The following FHIT variants were observed in gnomAD, a reference collection of about 807,000 sequenced individuals.
FHIT encodes fragile histidine triad diadenosine triphosphatase.
Under a neutral mutation model 17.9 loss-of-function variants are expected in FHIT, and 19 were observed. The observed-to-expected ratio is 1.06, with a 90% CI of 0.74 to 1.56. The LOEUF (loss-of-function observed/expected upper bound fraction) is 1.56, where lower values mean the gene tolerates loss of function less well. Among genes scored for constraint, FHIT ranks in the 40% most tolerant of loss-of-function variants. The probability of loss-of-function intolerance (pLI) is 0.00; values close to 1 mark genes in which losing one functional copy is unlikely to be tolerated. For synonymous variants in FHIT, 81 were observed against 69.7 expected (o/e 1.16, Z -0.81); for missense variants, 248 against 189.2 (o/e 1.31, Z -1.82).
At chr3:61,207,605 A>G (rs1318945790) in intron 1 of FHIT, among the ~76,000 whole-genome samples, 1 of 152,142 alleles carries the variant, frequency 6.6e-6, no homozygotes, top group African/African-American at 2.4e-5. Flanking sequence ...GTTTATTTGC[A>G]TAGAGGTGTT....
intron 2 of FHIT, among the ~76,000 whole-genome samples, chr3:61,167,723 A>G (rs2037883757): frequency 6.6e-6 from 1 of 152,024 alleles, no homozygotes; most frequent in Non-Finnish European, 1.5e-5. Flanking sequence ...GGAAAAGAAA[A>G]GAAAAAAGAA....
Position 60,171,791 on chromosome 3 carries a change from G to A in FHIT, c.104-157639C>T, listed in dbSNP as rs556380986. 5.3e-5 allele frequency among the ~76,000 whole-genome samples: 8 copies of A among 152,022 alleles called. No homozygotes were observed. In the East Asian group the frequency reaches 1.4e-3, roughly 26 times the overall value. The stretch of plus-strand genomic sequence containing the variant: ...CATCATTACAGTTCACTGTAGCCTC[G>A]AACTTCTGGGCTCAAGCAATCCTCT... On this transcript the variant is annotated intron_variant, in intron 5 of 9. Transcript: ENST00000492590.
intron 3 of FHIT, among the ~76,000 whole-genome samples, chr3:60,860,132 G>GAC (rs1703588805): frequency 6.9e-6 from 1 of 145,246 alleles, no homozygotes; most frequent in Non-Finnish European, 1.5e-5. Flanking sequence ...TGATATATCT[G>GAC]ATATATATAC....
chr3:59,899,112 C>T (rs527925588), intron 8 of FHIT, among the ~76,000 whole-genome samples: 13 of 152,296 alleles, frequency 8.5e-5, no homozygotes, highest in Non-Finnish European at 1.8e-4. Flanking sequence ...AGACCCAGAG[C>T]ACAAGACAAA....
intron 4 of FHIT, among the ~76,000 whole-genome samples, chr3:60,790,245 C>G (rs1700728237): frequency 6.6e-6 from 1 of 151,998 alleles, no homozygotes. Flanking sequence ...CGGCAGGTCC[C>G]AAAAGTAAGG....
At chr3:60,914,292 A>T (rs1706891581) in intron 3 of FHIT, among the ~76,000 whole-genome samples, 1 of 152,190 alleles carries the variant, frequency 6.6e-6, no homozygotes, top group Non-Finnish European at 1.5e-5. Context: ...ATATCTTGAA[A>T]TTTTAATAAC....
intron 4 of FHIT, among the ~76,000 whole-genome samples, chr3:60,797,654 AG>A (rs1408675095): frequency 2.7e-5 from 4 of 150,662 alleles, no homozygotes; most frequent in African/African-American, 9.8e-5. Context: ...CTTTAAATTT[AG>A]GTTGCAACAT....
At chr3:61,113,698 A>C (rs2036222610) in intron 2 of FHIT, among the ~76,000 whole-genome samples, 1 of 152,194 alleles carries the variant, frequency 6.6e-6, no homozygotes, top group Non-Finnish European at 1.5e-5. Context: ...GAGTCACTAG[A>C]GCCAGGACCA....
At chr3:60,864,022 C>T (rs1553753289) in intron 3 of FHIT, among the ~76,000 whole-genome samples, 2 of 152,110 alleles carry the variant, frequency 1.3e-5, no homozygotes, top group African/African-American at 4.8e-5. Context: ...ACCTCATAAT[C>T]ATGGCAGAAG....
intron 5 of FHIT, among the ~76,000 whole-genome samples, chr3:60,362,935 C>A (rs1316139334): frequency 6.6e-6 from 1 of 152,150 alleles, no homozygotes; most frequent in Non-Finnish European, 1.5e-5. Flanking sequence ...CAGCAGAGAA[C>A]TTCAGAAGGT....
At chr3:60,168,403 A>G (rs1290162675) in intron 5 of FHIT, among the ~76,000 whole-genome samples, 2 of 152,156 alleles carry the variant, frequency 1.3e-5, no homozygotes, top group Non-Finnish European at 2.9e-5. Flanking sequence ...ATCTCTGCCA[A>G]TACCAACCAT....
At chr3:60,317,785 CTTCTT>C (rs1422782977) in intron 5 of FHIT, among the ~76,000 whole-genome samples, 2 of 113,256 alleles carry the variant, frequency 1.8e-5, no homozygotes, top group Non-Finnish European at 3.3e-5. Context: ...GCAAGTTTTT[CTTCTT>C]TTTTTTTTTT....
chr3:60,559,516 A>G (rs2036857090), intron 4 of FHIT, among the ~76,000 whole-genome samples: 1 of 152,028 alleles, frequency 6.6e-6, no homozygotes. Context: ...TAAGGTTTTT[A>G]TTATTTCTTT....
chr3:60,492,508 A>ATTT (rs34685557), intron 5 of FHIT, among the ~76,000 whole-genome samples: 5 of 141,622 alleles, frequency 3.5e-5, no homozygotes, highest in African/African-American at 1.3e-4. Context: ...GAAAGATGGC[A>ATTT]TTTTTTTTTT....
intron 2 of FHIT, among the ~76,000 whole-genome samples, chr3:61,095,331 C>A (rs991124015): frequency 2.6e-4 from 40 of 152,124 alleles, no homozygotes; most frequent in Non-Finnish European, 4.6e-4. Context: ...TTTCCCAGGG[C>A]CCCCTCTGGG....
At chr3:60,862,232 G>T (rs1389121211) in intron 3 of FHIT, among the ~76,000 whole-genome samples, 1 of 151,996 alleles carries the variant, frequency 6.6e-6, no homozygotes, top group African/African-American at 2.4e-5. Flanking sequence ...AGGCTGGAGT[G>T]CGGCAGTGAG....
intron 8 of FHIT, among the ~76,000 whole-genome samples, chr3:59,819,819 G>A (rs1700727076): frequency 6.6e-6 from 1 of 152,168 alleles, no homozygotes; most frequent in Non-Finnish European, 1.5e-5. Context: ...GTATTAAGAG[G>A]AGCCTTTGGG....
At chr3:60,418,627 T>G (rs1702355899) in intron 5 of FHIT, among the ~76,000 whole-genome samples, 1 of 149,304 alleles carries the variant, frequency 6.7e-6, no homozygotes, top group African/African-American at 2.5e-5. Flanking sequence ...TCTTCATTCT[T>G]ATTTGCTTAG....
At chr3:60,709,006 C>T (rs764278508) in intron 4 of FHIT, among the ~76,000 whole-genome samples, 2 of 152,100 alleles carry the variant, frequency 1.3e-5, no homozygotes, top group Admixed American at 1.3e-4. Flanking sequence ...TTCTATGGAA[C>T]GTACTTTAGA....
Sources: gnomAD v4.1 joint callset for allele counts (sites outside exome capture counted in the v4.1 genomes callset) on GRCh38, gnomAD v4.1.1 for gene constraint, MANE v1.5 for transcripts, NCBI Gene and HGNC (gene_info 2026-07-23, HGNC 2026-07-21) for gene names.